The following GCSAML variants were observed in gnomAD, a reference collection of about 807,000 sequenced individuals.
GCSAML encodes the protein germinal center associated signaling and motility like.
In GCSAML, 9 loss-of-function variants were observed where a neutral mutation model predicts 13.0. The ratio of observed to expected loss-of-function variants is 0.69; its 90% CI spans 0.42 to 1.21. The LOEUF (loss-of-function observed/expected upper bound fraction) is 1.21. Ranked by LOEUF, GCSAML falls within the 50% of genes most tolerant of loss-of-function variation. The probability of loss-of-function intolerance (pLI) is 0.00; values close to 1 mark genes in which losing one functional copy is unlikely to be tolerated. For synonymous variants in GCSAML, 37 were observed against 52.9 expected (o/e 0.70, Z 1.31); for missense variants, 143 against 153.4 (o/e 0.93, Z 0.36).
At position 247,576,339 on chromosome 1, in the gene GCSAML, G is replaced by GT. The variant is rs1668832888; in HGVS notation, c.*1960dup. On this transcript the variant is annotated 3_prime_UTR_variant, in exon 5 of 5. Coordinates refer to ENST00000366488, the MANE Select transcript of GCSAML (RefSeq NM_145278.5). ...ACAGGTGGATCTCTTGAGCCCAGGA[G>GT]TTTGAGGCCAGACTGCACAACACAG... is the stretch of plus-strand genomic sequence containing the variant. 6.6e-6 allele frequency: 1 copy of GT among 152,152 alleles called. No homozygotes were observed. The highest frequency in any genetic ancestry group is 2.1e-4 in the South Asian group (1 of 4,828). 9.4% of individuals were successfully genotyped at this position (152,152 alleles called of 1,614,324 possible).
At chr1:247,531,827 T>C in intron 2 of GCSAML, 1 of 1,614,122 alleles carries the variant, frequency 6.2e-7, no homozygotes, top group Non-Finnish European at 8.5e-7. Flanking sequence ...GCTGACCTGA[T>C]CTTCAACACG....
upstream of GCSAML, among the ~76,000 whole-genome samples, chr1:247,546,551 C>T (rs1266403912): frequency 7.9e-5 from 12 of 151,908 alleles, no homozygotes; most frequent in South Asian, 6.2e-4. Context: ...TTAGTGGAGA[C>T]AGGGTTTCAC....
At chr1:247,549,633 C>T (rs1667699040) in intron 1 of GCSAML, among the ~76,000 whole-genome samples, 1 of 152,132 alleles carries the variant, frequency 6.6e-6, no homozygotes, top group Non-Finnish European at 1.5e-5. Context: ...CTTGAATTTT[C>T]CTGCTTCTCT....
chr1:247,571,747 T>A (rs1668622946), intron 4 of GCSAML, among the ~76,000 whole-genome samples: 1 of 152,248 alleles, frequency 6.6e-6, no homozygotes, highest in East Asian at 1.9e-4. Flanking sequence ...TGTTGGCCTG[T>A]CTTGCCAGGT....
At chr1:247,544,649 T>C (rs1032816377), upstream of GCSAML, among the ~76,000 whole-genome samples, 14 of 151,834 alleles carry the variant, frequency 9.2e-5, no homozygotes, top group Admixed American at 2.6e-4. Flanking sequence ...ATGGCAAACA[T>C]GGAAACATGG....
intron 3 of GCSAML, 61 bp downstream of exon 3, chr1:247,563,700 A>G: frequency 1.1e-6 from 1 of 914,642 alleles, no homozygotes. Flanking sequence ...GCATCCAATT[A>G]GCAGACACTC....
intron 1 of GCSAML, among the ~76,000 whole-genome samples, chr1:247,519,751 G>C (rs1666350257): frequency 6.6e-6 from 1 of 152,230 alleles, no homozygotes; most frequent in South Asian, 2.1e-4. Context: ...CACTGCTTTA[G>C]AGAGTTTCTG....
intron 2 of GCSAML, chr1:247,531,672 G>A (rs760141797): frequency 3.7e-6 from 6 of 1,614,054 alleles, no homozygotes; most frequent in African/African-American, 1.3e-5. Context: ...GAGTGACTAC[G>A]GTGTAGAACA....
intron 1 of GCSAML, among the ~76,000 whole-genome samples, chr1:247,518,215 G>C (rs977915254): frequency 6.6e-6 from 1 of 152,206 alleles, no homozygotes; most frequent in Non-Finnish European, 1.5e-5. Context: ...CCGCCCTGAC[G>C]TCGCCGCGTA....
chr1:247,575,525 G>T lies in GCSAML; in HGVS notation c.*1143G>T, dbSNP rs574546968. On this transcript the variant is annotated 3_prime_UTR_variant, in exon 5 of 5. Coordinates refer to ENST00000366488, the MANE Select transcript of GCSAML (RefSeq NM_145278.5). ...TTTACTTCAATTTTTCTTTTTCTAT[G>T]TACTGGATATTTTTGCATATAAACT... 2 of 151,992 alleles carry T rather than the reference G, an allele frequency of 1.3e-5. No homozygotes were observed. The highest frequency in any genetic ancestry group is 2.9e-5 in the Non-Finnish European group (2 of 68,020). 9.4% of individuals were successfully genotyped at this position (151,992 alleles called of 1,614,324 possible).
upstream of GCSAML, among the ~76,000 whole-genome samples, chr1:247,545,197 A>G (rs1667528132): frequency 6.6e-6 from 1 of 152,218 alleles, no homozygotes; most frequent in South Asian, 2.1e-4. Context: ...TCTGCAAATG[A>G]GCAGGGACTC....
chr1:247,530,541 C>T (rs2102999053), intron 2 of GCSAML: 1 of 139,886 alleles, frequency 7.1e-6, no homozygotes, highest in South Asian at 2.4e-4. Context: ...AATAACATTT[C>T]CTATGAATTT....
intron 1 of GCSAML, among the ~76,000 whole-genome samples, chr1:247,518,086 G>A (rs1321538652): frequency 6.6e-6 from 1 of 152,208 alleles, no homozygotes; most frequent in African/African-American, 2.4e-5. Flanking sequence ...CTTCTCCCAA[G>A]TGCTAGTTAA....
chr1:247,533,278 C>T (rs1026916660), intron 2 of GCSAML, among the ~76,000 whole-genome samples: 3 of 152,110 alleles, frequency 2.0e-5, no homozygotes, highest in Non-Finnish European at 2.9e-5. Context: ...GATACCCCAC[C>T]ATGAAGGCTT....
At chr1:247,511,715 C>T (rs550872512) in intron 1 of GCSAML, among the ~76,000 whole-genome samples, 1 of 152,310 alleles carries the variant, frequency 6.6e-6, no homozygotes, top group African/African-American at 2.4e-5. Flanking sequence ...GTGACAAAAC[C>T]TCTCAGCATT....
intron 2 of GCSAML, among the ~76,000 whole-genome samples, chr1:247,542,920 C>T (rs1035404304): frequency 1.1e-4 from 17 of 152,246 alleles, no homozygotes; most frequent in Non-Finnish European, 1.6e-4. Context: ...TAGTTGGCAG[C>T]AAGCTGCATG....
intron 4 of GCSAML, 73 bp downstream of exon 4, chr1:247,566,032 A>T: frequency 9.8e-7 from 1 of 1,016,614 alleles, no homozygotes. Flanking sequence ...AAATGCCAAA[A>T]TACAGATGAT....
chr1:247,526,411 A>G lies in GCSAML; in HGVS notation c.-262-529A>G, dbSNP rs1666685019. The stretch of plus-strand genomic sequence containing the variant: ...CCAAGGCAGAAGCTGTGTCCAGTGC[A>G]CATGTTCTGTGATCCCAGAGAGCAG... On this transcript the variant is annotated intron_variant, in intron 1 of 5. Transcript: ENST00000366489. The surrounding 1 kb of genome is among the most constrained non-coding windows in gnomAD (Gnocchi z 4.8). 6.5e-6 allele frequency: 1 copy of G among 153,578 alleles called. No homozygotes were observed. The highest frequency in any genetic ancestry group is 2.4e-5 in the African/African-American group (1 of 41,456). 9.5% of individuals were successfully genotyped at this position (153,578 alleles called of 1,614,324 possible). A position where few individuals can be genotyped will look rare whatever the true frequency, so the allele number is the denominator to read the frequency against.
Position 247,568,241 on chromosome 1 carries a change from T to A in GCSAML, c.168+2282T>A, listed in dbSNP as rs1201529719. 3.3e-5 allele frequency among the ~76,000 whole-genome samples: 5 copies of A among 152,218 alleles called. 1 individual carries two copies. Among genetic ancestry groups the A allele is most frequent in the Non-Finnish European group, 4.4e-5 (3 of 68,038 alleles). ...TGCTTTTGGTGTTTTAGTCAAGAAG[T>A]CTTTGCCCATGCCTATGTCCTGAAT... On this transcript the variant is annotated intron_variant, in intron 4 of 4. Transcript: ENST00000366488.
Sources: gnomAD v4.1 joint callset for allele counts (sites outside exome capture counted in the v4.1 genomes callset) on GRCh38, gnomAD v4.1.1 for gene constraint, Gnocchi (gnomAD v3.1) non-coding constraint, MANE v1.5 for transcripts, NCBI Gene and HGNC (gene_info 2026-07-23, HGNC 2026-07-21) for gene names.